Variants in NPIPB13 observed in about 807,000 individuals in gnomAD.
NPIPB13 encodes the protein nuclear pore complex interacting protein family, member B13.
At chr16:30,232,380 C>T (rs1461787705) in intron 3 of NPIPB13, among the ~76,000 whole-genome samples, 3 of 130,638 alleles carry the variant, frequency 2.3e-5, no homozygotes, top group Non-Finnish European at 3.5e-5. Context: ...AGGAGAATCA[C>T]TTGAACCCAG....
At chr16:30,232,555 C>G (rs1212790972) in intron 3 of NPIPB13, among the ~76,000 whole-genome samples, 4 of 89,110 alleles carry the variant, frequency 4.5e-5, no homozygotes, top group African/African-American at 1.3e-4. Context: ...ATCACAAGGT[C>G]AAGAGATGGA....
chr16:30,237,409 C>T (rs2073573507), intron 2 of NPIPB13, among the ~76,000 whole-genome samples: 1 of 6,244 alleles, frequency 1.6e-4, no homozygotes, highest in South Asian at 1.2e-3. Flanking sequence ...CACTTGAACC[C>T]GGGAGGCAGA....
chr16:30,244,483 ATG>A (rs71259255), intron 2 of NPIPB13, among the ~76,000 whole-genome samples: 10,118 of 88,454 alleles, frequency 0.11, 516 homozygotes, highest in African/African-American at 0.17. Context: ...CAAAAAATAT[ATG>A]TGTGTGTGTG....
At chr16:30,231,178 G>GA (rs1301741292) in intron 5 of NPIPB13, among the ~76,000 whole-genome samples, 3 of 7,042 alleles carry the variant, frequency 4.3e-4, no homozygotes, top group African/African-American at 1.9e-3. Context: ...TCCATCTCAG[G>GA]AAAAAAAAAA....
chr16:30,244,617 CTAATT>C (rs2073603195), intron 2 of NPIPB13, among the ~76,000 whole-genome samples: 1 of 47,074 alleles, frequency 2.1e-5, no homozygotes, highest in Non-Finnish European at 3.8e-5. Flanking sequence ...AACTTAATGA[CTAATT>C]TAATTATTAC....
At chr16:30,241,232 A>G (rs1421896516) in intron 2 of NPIPB13, among the ~76,000 whole-genome samples, 41 of 58,762 alleles carry the variant, frequency 7.0e-4, no homozygotes, top group East Asian at 1.3e-3. Context: ...GGCGGATCAC[A>G]AGGTCAGGAG....
At chr16:30,237,506 T>C (rs1224816127) in intron 2 of NPIPB13, among the ~76,000 whole-genome samples, 2 of 51,274 alleles carry the variant, frequency 3.9e-5, no homozygotes, top group Non-Finnish European at 9.4e-5. Flanking sequence ...AAAAAAAAAT[T>C]ACCAAGGTGG....
intron 2 of NPIPB13, among the ~76,000 whole-genome samples, chr16:30,244,456 A>G (rs2073601267): frequency 8.9e-6 from 1 of 112,184 alleles, no homozygotes; most frequent in Non-Finnish European, 1.9e-5. Flanking sequence ...CCTGGGGGAC[A>G]GAGTGAAACT....
intron 7 of NPIPB13, 200 bp downstream of exon 7, chr16:30,226,963 CA>C (rs2073531797): frequency 2.5e-5 from 3 of 118,510 alleles, no homozygotes; most frequent in East Asian, 2.2e-4. Flanking sequence ...AATATTAGAT[CA>C]GGGGCCCCAC....
At chr16:30,236,228 AT>A (rs1235623276) in intron 2 of NPIPB13, among the ~76,000 whole-genome samples, 1 of 82,316 alleles carries the variant, frequency 1.2e-5, no homozygotes, top group Admixed American at 1.3e-4. Context: ...GTGCCCAGCC[AT>A]TTTTTTGTTT....
intron 5 of NPIPB13, among the ~76,000 whole-genome samples, chr16:30,230,953 G>T (rs1380895563): frequency 2.0e-4 from 23 of 114,336 alleles, no homozygotes; most frequent in South Asian, 8.2e-4. Context: ...GGAGGCTGAG[G>T]CAGGTGGATT....
intron 5 of NPIPB13, among the ~76,000 whole-genome samples, chr16:30,230,877 TAAAAAAA>T (rs1200193892): frequency 7.3e-5 from 4 of 55,036 alleles, no homozygotes; most frequent in Non-Finnish European, 1.4e-4. Flanking sequence ...ATCTCAAAAT[TAAAAAAA>T]AAAAAAAAAA....
intron 5 of NPIPB13, among the ~76,000 whole-genome samples, chr16:30,230,877 TA>T (rs1200193892): frequency 7.3e-5 from 4 of 55,038 alleles, no homozygotes; most frequent in Admixed American, 2.1e-4. Flanking sequence ...ATCTCAAAAT[TA>T]AAAAAAAAAA....
intron 3 of NPIPB13, among the ~76,000 whole-genome samples, chr16:30,232,510 G>A (rs1596938074): frequency 1.5e-5 from 2 of 135,832 alleles, no homozygotes; most frequent in South Asian, 4.5e-4. Flanking sequence ...GCTCACGCCT[G>A]TAATCCCAGC....
chr16:30,244,485 G>A (rs1269083964), intron 2 of NPIPB13, among the ~76,000 whole-genome samples: 4 of 826 alleles, frequency 4.8e-3, no homozygotes, highest in Non-Finnish European at 8.0e-3. Flanking sequence ...AAAAATATAT[G>A]TGTGTGTGTG....
chr16:30,243,985 CAGTG>C (rs2073597207), intron 2 of NPIPB13, among the ~76,000 whole-genome samples: 1 of 136,772 alleles, frequency 7.3e-6, no homozygotes, highest in African/African-American at 2.6e-5. Flanking sequence ...CTGGCACACA[CAGTG>C]AGTACACAAT....
intron 2 of NPIPB13, among the ~76,000 whole-genome samples, chr16:30,241,698 C>T (rs1460549023): frequency 7.7e-5 from 1 of 12,982 alleles, no homozygotes; most frequent in African/African-American, 2.8e-4. Context: ...TGGTGGCACA[C>T]GCCTGTAATC....
Position 30,225,441 on chromosome 16 carries a change from CGCTG to C in NPIPB13, c.1001_1004del (p.Ser334TrpfsTer252). On this transcript the variant is annotated frameshift_variant, in exon 8 of 8. Coordinates refer to ENST00000520915, the Ensembl canonical transcript of NPIPB13. LOFTEE classifies it low-confidence loss of function (END_TRUNC). The stretch of plus-strand genomic sequence containing the variant: ...CGGGAGGTGTCTTGAGATTATCATC[CGCTG>C]AGGGTGGAAGGGGAGTGAGCAGACA... 1 of 308,362 alleles carries C rather than the reference CGCTG, an allele frequency of 3.2e-6. No homozygotes were observed. Among genetic ancestry groups the C allele is most frequent in the South Asian group, 2.1e-5 (1 of 47,616 alleles). 19.1% of individuals were successfully genotyped at this position (308,362 alleles called of 1,614,324 possible). A position where few individuals can be genotyped will look rare whatever the true frequency, so the allele number is the denominator to read the frequency against.
rs1300690180 is a variant in NPIPB13 at position 30,244,535 on chromosome 16, GTGTATC to G, written c.120+913_120+918del. Among the ~76,000 whole-genome samples the G allele has an allele frequency of 5.7e-5, 3 of 52,500 alleles. 1 individual carries two copies. Among genetic ancestry groups the G allele is most frequent in the Non-Finnish European group, 8.1e-5 (2 of 24,820 alleles). The allele number at this position is 52,500 out of a possible 152,430, so 34.4% of individuals were successfully genotyped here. On this transcript the variant is annotated intron_variant, in intron 2 of 7. Coordinates refer to ENST00000520915, the Ensembl canonical transcript of NPIPB13. ...TGTGTGTGTGTGTGTGTGTGTGTGT[GTGTATC>G]TATATAAATCTCAAAAATAAAAGAT...
Sources: gnomAD v4.1 joint callset for allele counts (sites outside exome capture counted in the v4.1 genomes callset) on GRCh38, gnomAD v4.1.1 for gene constraint, MANE v1.5 for transcripts, NCBI Gene and HGNC (gene_info 2026-07-23, HGNC 2026-07-21) for gene names.